The following STXBP5L variants were observed in gnomAD, a reference collection of about 807,000 sequenced individuals.
STXBP5L encodes syntaxin-binding protein 5-like.
In STXBP5L, 65 loss-of-function variants were observed where a neutral mutation model predicts 144.5. The ratio of observed to expected loss-of-function variants is 0.45; its 90% CI spans 0.37 to 0.55. The LOEUF (loss-of-function observed/expected upper bound fraction) is 0.55. Among genes scored for constraint, STXBP5L ranks in the 20% least tolerant of loss-of-function variants. The probability of loss-of-function intolerance (pLI) is 0.00; values close to 1 mark genes in which losing one functional copy is unlikely to be tolerated. For synonymous variants in STXBP5L, 505 were observed against 469.6 expected (o/e 1.08, Z -0.97); for missense variants, 1,298 against 1,405.5 (o/e 0.92, Z 1.22).
At chr3:121,009,088 C>A (rs1181375087) in intron 3 of STXBP5L, among the ~76,000 whole-genome samples, 1 of 151,868 alleles carries the variant, frequency 6.6e-6, no homozygotes, top group East Asian at 1.9e-4. Flanking sequence ...CCATGCGTAG[C>A]CTCCATTCCT....
chr3:121,348,826 C>A (rs1488508765), intron 20 of STXBP5L, among the ~76,000 whole-genome samples: 1 of 151,870 alleles, frequency 6.6e-6, no homozygotes, highest in East Asian at 1.9e-4. Context: ...TTATTTATTG[C>A]ATCTATTTGA....
At chr3:121,141,332 G>T (rs1165519682) in intron 7 of STXBP5L, among the ~76,000 whole-genome samples, 1 of 152,122 alleles carries the variant, frequency 6.6e-6, no homozygotes, top group East Asian at 1.9e-4. Flanking sequence ...GAACTCGGGA[G>T]GCAGAAGTTG....
chr3:120,910,903 GTAA>G (rs1353092646), intron 2 of STXBP5L, among the ~76,000 whole-genome samples: 3 of 152,112 alleles, frequency 2.0e-5, no homozygotes, highest in African/African-American at 7.2e-5. Flanking sequence ...TTTGTGTACA[GTAA>G]TAATTTTTTT....
At chr3:121,048,509 A>G (rs1025873290) in intron 5 of STXBP5L, among the ~76,000 whole-genome samples, 2 of 152,048 alleles carry the variant, frequency 1.3e-5, no homozygotes, top group South Asian at 2.1e-4. Flanking sequence ...GTCTCTTTAC[A>G]TAATCCTTTA....
rs1170740993 is a variant in STXBP5L, at chr3:121,419,686, A to G, written c.*589A>G. ...CATCTGTAACTTTCATTGTACTAGA[A>G]CCTTATTGAATTCTTATGGCAAGAG... is the stretch of plus-strand genomic sequence containing the variant. On this transcript the variant is annotated 3_prime_UTR_variant, in exon 27 of 27. Coordinates refer to ENST00000471454, the MANE Select transcript of STXBP5L (RefSeq NM_001308330.2). The G allele has an allele frequency of 6.6e-6, 1 of 152,252 alleles. No individual in the cohort carries two copies. The highest frequency in any genetic ancestry group is 1.5e-5 in the Non-Finnish European group (1 of 68,068). The allele number at this position is 152,252 out of a possible 1,614,324, so 9.4% of individuals were successfully genotyped here.
At chr3:121,407,713 A>C in intron 23 of STXBP5L, 110 bp downstream of exon 23, 1 of 1,375,390 alleles carries the variant, frequency 7.3e-7, no homozygotes, top group African/African-American at 1.5e-5. Context: ...AACTGAGATT[A>C]TTGTTTCATT....
chr3:121,115,104 T>A, intron 6 of STXBP5L, 45 bp downstream of exon 6: 1 of 1,557,830 alleles, frequency 6.4e-7, no homozygotes, highest in Non-Finnish European at 8.7e-7. Flanking sequence ...AAATACTTCA[T>A]ACAGTTATGT....
At chr3:121,369,934 G>T (rs991596252) in intron 20 of STXBP5L, among the ~76,000 whole-genome samples, 5 of 152,124 alleles carry the variant, frequency 3.3e-5, no homozygotes. Flanking sequence ...GCTTGGCTCT[G>T]TGTCCCCACC....
In STXBP5L at chr3:121,186,767, G is replaced by A. The variant is rs187579738; in HGVS notation, c.878-19156G>A. 4.2e-3 allele frequency among the ~76,000 whole-genome samples: 646 copies of A among 152,158 alleles called. 3 individuals are homozygous for A. Among genetic ancestry groups the A allele is most frequent in the Non-Finnish European group, 6.8e-3 (459 of 67,992 alleles). On this transcript the variant is annotated intron_variant, in intron 9 of 26. Transcript: ENST00000471454. ...AAGTGGGCAAAGGGTATGAACAGAC[G>A]CTTCTCAAAAGAAGACATTTATGCA...
intron 3 of STXBP5L, among the ~76,000 whole-genome samples, chr3:120,983,179 G>A (rs1360285325): frequency 6.6e-6 from 1 of 152,158 alleles, no homozygotes; most frequent in African/African-American, 2.4e-5. Flanking sequence ...CAGCAGGGAT[G>A]GCAGGAGTCT....
chr3:121,257,094 C>A, intron 16 of STXBP5L, 67 bp from the exon 17 acceptor site: 1 of 1,219,642 alleles, frequency 8.2e-7, no homozygotes, highest in Non-Finnish European at 1.1e-6. Flanking sequence ...TTTATTATGA[C>A]TTAGATTAAA....
intron 5 of STXBP5L, among the ~76,000 whole-genome samples, chr3:121,067,491 A>G (rs1169757399): frequency 1.3e-5 from 2 of 152,182 alleles, no homozygotes; most frequent in African/African-American, 2.4e-5. Flanking sequence ...ATCATAGTAT[A>G]TGGTTTTAGC....
At position 121,210,668 on chromosome 3, in the gene STXBP5L, C is replaced by A. The variant is rs571520204; in HGVS notation, c.956+4667C>A. 3.9e-5 allele frequency among the ~76,000 whole-genome samples: 6 copies of A among 152,308 alleles called. No homozygotes were observed. The East Asian group carries it at 7.7e-4, about 20-fold the overall frequency. ...ACATATGGCTAGCCAGTTTTCCCAG[C>A]ACCATTTATTAAATAGGGAATCCTT... On this transcript the variant is annotated intron_variant, in intron 10 of 26. Transcript: ENST00000471454.
At chr3:121,317,010 A>G (rs1029011608) in intron 19 of STXBP5L, among the ~76,000 whole-genome samples, 3 of 152,234 alleles carry the variant, frequency 2.0e-5, no homozygotes, top group African/African-American at 4.8e-5. Flanking sequence ...TCTGTGGATT[A>G]ACACTTACTG....
At chr3:120,948,150 G>A (rs1710975443) in intron 2 of STXBP5L, among the ~76,000 whole-genome samples, 1 of 151,512 alleles carries the variant, frequency 6.6e-6, no homozygotes, top group Non-Finnish European at 1.5e-5. Context: ...ATCCTAGTGG[G>A]TGCACAGTTG....
intron 10 of STXBP5L, among the ~76,000 whole-genome samples, chr3:121,209,565 A>C (rs1301724484): frequency 6.6e-6 from 1 of 151,946 alleles, no homozygotes; most frequent in Admixed American, 6.6e-5. Flanking sequence ...TATATCTCCT[A>C]ATGCTATCCA....
intron 9 of STXBP5L, among the ~76,000 whole-genome samples, chr3:121,162,132 A>C (rs2108021974): frequency 6.6e-6 from 1 of 152,312 alleles, no homozygotes. Flanking sequence ...CTTAATGTAC[A>C]TGTGAAGTAT....
chr3:121,096,340 C>G (rs1337221613), intron 5 of STXBP5L, among the ~76,000 whole-genome samples: 1 of 152,192 alleles, frequency 6.6e-6, no homozygotes, highest in Non-Finnish European at 1.5e-5. Flanking sequence ...TACCCACTTT[C>G]TGAAGCCTAC....
intron 3 of STXBP5L, among the ~76,000 whole-genome samples, chr3:120,961,833 C>G (rs923712586): frequency 2.0e-5 from 3 of 152,142 alleles, no homozygotes; most frequent in African/African-American, 7.2e-5. Flanking sequence ...GTTCTAGATC[C>G]TTGAGGAATC....
Sources: allele counts gnomAD v4.1 joint callset (sites outside exome capture counted in the v4.1 genomes callset), GRCh38; gene constraint gnomAD v4.1.1; transcripts MANE v1.5; gene names NCBI Gene and HGNC (gene_info 2026-07-23, HGNC 2026-07-21).